Variants in PDZRN3 observed in about 807,000 individuals in gnomAD.
The protein encoded by PDZRN3 is E3 ubiquitin-protein ligase PDZRN3.
PDZRN3 carries 38 observed loss-of-function variants against 85.7 expected under a neutral mutation model. The observed-to-expected ratio is 0.44, with a 90% CI of 0.34 to 0.58. PDZRN3 has a LOEUF of 0.58. Ranked by LOEUF, PDZRN3 falls within the 20% of genes least tolerant of loss-of-function variation. The probability of loss-of-function intolerance (pLI) is 0.01; values close to 1 mark genes in which losing one functional copy is unlikely to be tolerated. For synonymous variants in PDZRN3, 759 were observed against 638.0 expected (o/e 1.19, Z -2.86); for missense variants, 1,629 against 1,506.4 (o/e 1.08, Z -1.35).
chr3:73,563,011 A>T lies in PDZRN3; in HGVS notation c.918+39343T>A, dbSNP rs867957051. ...TATATATATATATATATATATATATATATTTTTTTTTTTTTTTTTTTTTTT... is the reference window on the plus strand; with the variant it reads ...TATATATATATATATATATATATATTTATTTTTTTTTTTTTTTTTTTTTTT... On this transcript the variant is annotated intron_variant, in intron 3 of 9. Coordinates refer to ENST00000263666, the MANE Select transcript of PDZRN3 (RefSeq NM_015009.3). 2.7e-3 allele frequency among the ~76,000 whole-genome samples: 103 copies of T among 38,204 alleles called. 2 individuals carry two copies. Among genetic ancestry groups the T allele is most frequent in the African/African-American group, 0.012 (93 of 7,934 alleles). 25.1% of individuals were successfully genotyped at this position (38,204 alleles called of 152,430 possible).
At chr3:73,437,830 A>G (rs558171663) in intron 3 of PDZRN3, among the ~76,000 whole-genome samples, 88 of 152,288 alleles carry the variant, frequency 5.8e-4, no homozygotes, top group African/African-American at 1.9e-3. Context: ...ACAATTGTGT[A>G]AAAAAGGAGG....
At chr3:73,451,264 AT>A (rs1032564175) in intron 3 of PDZRN3, among the ~76,000 whole-genome samples, 5 of 152,226 alleles carry the variant, frequency 3.3e-5, no homozygotes, top group East Asian at 3.8e-4. Context: ...CAGTAAAAAA[AT>A]AATTGCTCTC....
At chr3:73,619,039 G>A (rs1702811092) in intron 1 of PDZRN3, among the ~76,000 whole-genome samples, 1 of 152,112 alleles carries the variant, frequency 6.6e-6, no homozygotes, top group African/African-American at 2.4e-5. Context: ...TTCCAGTTCT[G>A]AAAAGGACAA....
chr3:73,610,044 C>G lies in PDZRN3; in HGVS notation c.724-1360G>C, dbSNP rs374348372. On this transcript the variant is annotated intron_variant, in intron 1 of 9. Transcript: ENST00000263666. ...TGCTTAAAGTCTTAATAACCACAACCCCTTTCTCACGAGTAGTTATTATAC... is the reference window on the plus strand; with the variant it reads ...TGCTTAAAGTCTTAATAACCACAACGCCTTTCTCACGAGTAGTTATTATAC... 7.2e-5 allele frequency among the ~76,000 whole-genome samples: 11 copies of G among 152,322 alleles called. No individual in the cohort carries two copies. In the South Asian group the frequency reaches 2.3e-3, roughly 32 times the overall value.
chr3:73,601,492 T>C (rs181899794), intron 3 of PDZRN3, among the ~76,000 whole-genome samples: 53 of 152,306 alleles, frequency 3.5e-4, no homozygotes, highest in African/African-American at 1.2e-3. Context: ...TCATCGTGGA[T>C]TCTCAAATTT....
intron 3 of PDZRN3, among the ~76,000 whole-genome samples, chr3:73,450,676 A>G (rs1702840662): frequency 6.6e-6 from 1 of 152,190 alleles, no homozygotes; most frequent in African/African-American, 2.4e-5. Flanking sequence ...TACAAGTTTA[A>G]ATTCCAAAAG....
At chr3:73,433,097 T>C (rs1367204481) in intron 3 of PDZRN3, among the ~76,000 whole-genome samples, 1 of 152,230 alleles carries the variant, frequency 6.6e-6, no homozygotes, top group Non-Finnish European at 1.5e-5. Flanking sequence ...CACTTGCTTT[T>C]GAAGTTCTTA....
At chr3:73,405,627 T>G (rs1488653121) in intron 3 of PDZRN3, among the ~76,000 whole-genome samples, 1 of 152,208 alleles carries the variant, frequency 6.6e-6, no homozygotes, top group Non-Finnish European at 1.5e-5. Context: ...ACTGACCCAT[T>G]CAAGTCACTC....
chr3:73,617,877 T>C (rs1702789000), intron 1 of PDZRN3, among the ~76,000 whole-genome samples: 1 of 152,202 alleles, frequency 6.6e-6, no homozygotes, highest in Non-Finnish European at 1.5e-5. Flanking sequence ...GGCTAATTTT[T>C]GTATTTTTAG....
chr3:73,608,542 CCT>C, intron 2 of PDZRN3, 54 bp downstream of exon 2: 2 of 1,203,018 alleles, frequency 1.7e-6, no homozygotes, highest in Non-Finnish European at 2.5e-6. Context: ...CAAACCTTGA[CCT>C]CTCTTTCCAG....
chr3:73,476,879 C>G (rs1055651890), intron 3 of PDZRN3, among the ~76,000 whole-genome samples: 2 of 152,190 alleles, frequency 1.3e-5, no homozygotes, highest in South Asian at 4.1e-4. Flanking sequence ...GACAGCTTGA[C>G]TGCAACCTCA....
chr3:73,499,911 A>AC (rs1259128724), intron 3 of PDZRN3, among the ~76,000 whole-genome samples: 3 of 152,182 alleles, frequency 2.0e-5, no homozygotes, highest in African/African-American at 7.2e-5. Context: ...CAGAGCCTAG[A>AC]CCACAGCTGG....
At chr3:73,613,175 G>A (rs539352580) in intron 1 of PDZRN3, among the ~76,000 whole-genome samples, 1 of 152,294 alleles carries the variant, frequency 6.6e-6, no homozygotes, top group African/African-American at 2.4e-5. Flanking sequence ...CCAGTGGAGT[G>A]ACCACCAGGT....
intron 3 of PDZRN3, among the ~76,000 whole-genome samples, chr3:73,571,983 G>C (rs9990422): frequency 6.6e-6 from 1 of 152,160 alleles, no homozygotes; most frequent in Non-Finnish European, 1.5e-5. Flanking sequence ...TTGAGCAAGG[G>C]ACAGTATGAT....
intron 4 of PDZRN3, among the ~76,000 whole-genome samples, chr3:73,402,727 A>G (rs1411506512): frequency 6.6e-6 from 1 of 152,142 alleles, no homozygotes; most frequent in Non-Finnish European, 1.5e-5. Context: ...GAACCATAGG[A>G]AACATGTGCT....
At chr3:73,476,785 T>C (rs1703467769) in intron 3 of PDZRN3, among the ~76,000 whole-genome samples, 1 of 152,216 alleles carries the variant, frequency 6.6e-6, no homozygotes, top group Admixed American at 6.5e-5. Flanking sequence ...AGTGAAGACC[T>C]GAGGCCTTGG....
At chr3:73,395,044 A>T (rs1322493429) in intron 5 of PDZRN3, among the ~76,000 whole-genome samples, 2 of 152,248 alleles carry the variant, frequency 1.3e-5, no homozygotes, top group Non-Finnish European at 2.9e-5. Flanking sequence ...TGAGCTTGAG[A>T]GTCCAAGGCA....
intron 3 of PDZRN3, among the ~76,000 whole-genome samples, chr3:73,498,423 A>G (rs1201058632): frequency 6.6e-6 from 1 of 152,212 alleles, no homozygotes; most frequent in Non-Finnish European, 1.5e-5. Flanking sequence ...TGCTTTCACC[A>G]GAGTTAAACA....
intron 3 of PDZRN3, among the ~76,000 whole-genome samples, chr3:73,564,727 C>G (rs2106837948): frequency 6.6e-6 from 1 of 152,324 alleles, no homozygotes; most frequent in Middle Eastern, 3.4e-3. Context: ...ATTTAGAACT[C>G]AGGCTCTGAA....
Sources: allele counts gnomAD v4.1 joint callset (sites outside exome capture counted in the v4.1 genomes callset), GRCh38; gene constraint gnomAD v4.1.1; transcripts MANE v1.5; gene names NCBI Gene and HGNC (gene_info 2026-07-23, HGNC 2026-07-21).